The following GPC6 variants were observed in gnomAD, a reference collection of about 807,000 sequenced individuals.
The protein encoded by GPC6 is glypican-6.
GPC6 carries 14 observed loss-of-function variants against 55.2 expected under a neutral mutation model. The ratio of observed to expected loss-of-function variants is 0.25; its 90% CI spans 0.17 to 0.40. The LOEUF is 0.40. GPC6 is among the 10% of genes least tolerant of loss of function. GPC6 has a pLI of 1.00. For missense variants in GPC6, 641 were observed against 708.5 expected, an observed-to-expected ratio of 0.90 and a Z score of 1.08; for synonymous variants, 278 against 259.6, an observed-to-expected ratio of 1.07 and a Z score of -0.68.
At chr13:94,024,654 ATTAT>A (rs1372296586) in intron 3 of GPC6, among the ~76,000 whole-genome samples, 1 of 152,094 alleles carries the variant, frequency 6.6e-6, no homozygotes, top group Non-Finnish European at 1.5e-5. Flanking sequence ...GTTCTTTCAG[ATTAT>A]TAAGGCTGTT....
At chr13:94,250,988 G>A (rs2139037142) in intron 4 of GPC6, among the ~76,000 whole-genome samples, 1 of 152,144 alleles carries the variant, frequency 6.6e-6, no homozygotes. Context: ...AGTAAATAGG[G>A]GAGATGGAAT....
At chr13:93,855,128 C>T (rs747555697) in intron 3 of GPC6, among the ~76,000 whole-genome samples, 4 of 151,654 alleles carry the variant, frequency 2.6e-5, no homozygotes, top group African/African-American at 7.3e-5. Flanking sequence ...TTCACTTTTA[C>T]AGTATCCTAC....
chr13:93,434,561 A>C (rs536268396), intron 1 of GPC6, among the ~76,000 whole-genome samples: 1 of 152,258 alleles, frequency 6.6e-6, no homozygotes, highest in East Asian at 1.9e-4. Flanking sequence ...GGGAAGAGTA[A>C]ATCTGCACAG....
intron 3 of GPC6, among the ~76,000 whole-genome samples, chr13:93,901,710 G>A (rs1159735008): frequency 2.0e-5 from 3 of 151,952 alleles, no homozygotes; most frequent in Admixed American, 6.6e-5. Flanking sequence ...AGACCAGCCT[G>A]ACCAACATGG....
At chr13:93,978,859 T>G (rs1177018145) in intron 3 of GPC6, among the ~76,000 whole-genome samples, 1 of 152,196 alleles carries the variant, frequency 6.6e-6, no homozygotes, top group African/African-American at 2.4e-5. Context: ...CATAAGCACT[T>G]TGAATACATG....
chr13:93,488,778 G>A (rs969216240), intron 1 of GPC6, among the ~76,000 whole-genome samples: 1 of 152,154 alleles, frequency 6.6e-6, no homozygotes, highest in African/African-American at 2.4e-5. Flanking sequence ...CTTTTGAGAA[G>A]TATCTGTTCA....
At chr13:93,531,516 T>C (rs1241024466) in intron 1 of GPC6, among the ~76,000 whole-genome samples, 1 of 152,094 alleles carries the variant, frequency 6.6e-6, no homozygotes, top group African/African-American at 2.4e-5. Context: ...TTATTGAGGG[T>C]GATCTCCTTT....
At chr13:93,303,537 C>G (rs774107040) in intron 1 of GPC6, among the ~76,000 whole-genome samples, 8 of 151,940 alleles carry the variant, frequency 5.3e-5, no homozygotes, top group Non-Finnish European at 1.5e-5. Flanking sequence ...CAGCATAAAC[C>G]CCAGGTGATA....
At chr13:93,955,804 G>C (rs1879483837) in intron 3 of GPC6, among the ~76,000 whole-genome samples, 1 of 152,162 alleles carries the variant, frequency 6.6e-6, no homozygotes, top group Non-Finnish European at 1.5e-5. Flanking sequence ...GAATTTAACA[G>C]ATATCTCTTT....
intron 1 of GPC6, among the ~76,000 whole-genome samples, chr13:93,415,575 T>C (rs1470571531): frequency 5.3e-5 from 8 of 152,142 alleles, no homozygotes; most frequent in Admixed American, 4.6e-4. Flanking sequence ...ATAGTATGAA[T>C]ATTTTTCAGG....
chr13:93,931,723 C>G (rs1037675937), intron 3 of GPC6, among the ~76,000 whole-genome samples: 4 of 144,886 alleles, frequency 2.8e-5, no homozygotes, highest in Non-Finnish European at 6.0e-5. Context: ...AAGATCGCGC[C>G]ACTGCACTCC....
At chr13:94,013,337 T>C (rs76062341) in intron 3 of GPC6, among the ~76,000 whole-genome samples, 2,074 of 152,054 alleles carry the variant, frequency 0.014, 55 homozygotes, top group African/African-American at 0.046. Flanking sequence ...TATTTATGTG[T>C]TTTTGTTTTT....
chr13:93,999,219 CCCT>C lies in GPC6; in HGVS notation c.712-28507_712-28505del, dbSNP rs762426307. On this transcript the variant is annotated intron_variant, in intron 3 of 8. Coordinates refer to ENST00000377047, the MANE Select transcript of GPC6 (RefSeq NM_005708.5). Reference sequence around the variant, plus strand: ...CGACAGGCCCTGGTGTGTGATGTTCCCCTCCCTGTGTCCATGTGTTCTCTTTGT... The same window carrying C: ...CGACAGGCCCTGGTGTGTGATGTTCCCCCTGTGTCCATGTGTTCTCTTTGT... Among the ~76,000 whole-genome samples the C allele has an allele frequency of 1.1e-3, 162 of 152,202 alleles. 1 individual carries two copies. Among genetic ancestry groups the C allele is most frequent in the Non-Finnish European group, 1.8e-3 (120 of 68,008 alleles).
chr13:93,454,837 G>C (rs373668894), intron 1 of GPC6, among the ~76,000 whole-genome samples: 1 of 152,376 alleles, frequency 6.6e-6, no homozygotes, highest in African/African-American at 2.4e-5. Context: ...TGGAGCAGGG[G>C]GTGGAGCTGT....
At chr13:93,614,134 C>T (rs1408129507) in intron 2 of GPC6, among the ~76,000 whole-genome samples, 1 of 152,118 alleles carries the variant, frequency 6.6e-6, no homozygotes. Flanking sequence ...TTATCGGAAA[C>T]CATGTCAGAA....
intron 2 of GPC6, among the ~76,000 whole-genome samples, chr13:93,740,077 A>G (rs892286099): frequency 1.3e-5 from 2 of 152,166 alleles, no homozygotes; most frequent in Non-Finnish European, 2.9e-5. Context: ...ATCCCCTTTC[A>G]ATTACAAATG....
At chr13:94,169,168 T>A (rs1353406621) in intron 4 of GPC6, among the ~76,000 whole-genome samples, 1 of 152,224 alleles carries the variant, frequency 6.6e-6, no homozygotes, top group East Asian at 1.9e-4. Context: ...ACGTTTGCAA[T>A]ATCACTTTTA....
chr13:94,218,521 C>T (rs1890288083), intron 4 of GPC6, among the ~76,000 whole-genome samples: 1 of 152,146 alleles, frequency 6.6e-6, no homozygotes, highest in African/African-American at 2.4e-5. Context: ...GCTCTCTGCT[C>T]TAAGGTGAGC....
At chr13:93,564,224 TAATA>T (rs1414919280) in intron 2 of GPC6, among the ~76,000 whole-genome samples, 1 of 152,066 alleles carries the variant, frequency 6.6e-6, no homozygotes, top group Non-Finnish European at 1.5e-5. Context: ...TTTATTTCAT[TAATA>T]TTTAACTTTT....
Sources: gnomAD v4.1 joint callset for allele counts (sites outside exome capture counted in the v4.1 genomes callset) on GRCh38, gnomAD v4.1.1 for gene constraint, MANE v1.5 for transcripts, NCBI Gene and HGNC (gene_info 2026-07-23, HGNC 2026-07-21) for gene names.